Variants in MBNL2 observed in about 807,000 individuals in gnomAD.
MBNL2 encodes muscleblind-like protein 2.
Under a neutral mutation model 41.9 loss-of-function variants are expected in MBNL2, and 17 were observed. That is an observed-to-expected ratio of 0.41 (90% CI 0.28 to 0.61). The LOEUF (loss-of-function observed/expected upper bound fraction) is 0.61, where lower values mean the gene tolerates loss of function less well. MBNL2 is among the 20% of genes least tolerant of loss of function. MBNL2 has a pLI of 0.35. For synonymous variants in MBNL2, 195 were observed against 182.9 expected (o/e 1.07, Z -0.53); for missense variants, 336 against 505.6 (o/e 0.66, Z 3.22).
At chr13:97,174,075 A>C in the MBNL2 span, among the ~76,000 whole-genome samples, 1 of 152,246 alleles carries the variant, frequency 6.6e-6, no homozygotes, top group Non-Finnish European at 1.5e-5. Context: ...AAGCATCTGC[A>C]GTAAAGTAAA....
intron 2 of MBNL2, among the ~76,000 whole-genome samples, chr13:97,288,116 T>A (rs1215734503): frequency 1.3e-5 from 2 of 152,036 alleles, no homozygotes; most frequent in Non-Finnish European, 2.9e-5. Context: ...AGTAGGTGAG[T>A]CTTGTTCTTT....
chr13:97,217,040 CATA>C (rs200655379), upstream of MBNL2, among the ~76,000 whole-genome samples: 1,258 of 146,866 alleles, frequency 8.6e-3, 11 homozygotes, highest in East Asian at 0.021. Flanking sequence ...ATAATATACA[CATA>C]ATATGTAATA....
At chr13:97,368,858 T>C (rs1041506044) in intron 8 of MBNL2, among the ~76,000 whole-genome samples, 6 of 152,142 alleles carry the variant, frequency 3.9e-5, no homozygotes, top group African/African-American at 1.4e-4. Flanking sequence ...ACTTCTTTAA[T>C]TGCAAGCATA....
the MBNL2 span, among the ~76,000 whole-genome samples, chr13:97,179,157 A>C: frequency 6.2e-4 from 95 of 152,254 alleles, 1 homozygote; most frequent in African/African-American, 2.1e-3. Context: ...AACGTAATGC[A>C]CCACTTCTCT....
At chr13:97,277,855 C>T (rs919822379) in intron 2 of MBNL2, among the ~76,000 whole-genome samples, 1 of 152,076 alleles carries the variant, frequency 6.6e-6, no homozygotes. Context: ...TAAACTATAA[C>T]AGTACAAGCA....
the MBNL2 span, among the ~76,000 whole-genome samples, chr13:97,185,875 A>G: frequency 6.6e-6 from 1 of 152,224 alleles, no homozygotes; most frequent in Non-Finnish European, 1.5e-5. Flanking sequence ...TAGGCGCTCC[A>G]TAAAAATCAC....
At chr13:97,150,205 C>T in the MBNL2 span, among the ~76,000 whole-genome samples, 2 of 152,192 alleles carry the variant, frequency 1.3e-5, no homozygotes, top group African/African-American at 2.4e-5. Flanking sequence ...CATATGTTTA[C>T]GTTAAGTGAT....
chr13:97,312,673 C>T (rs773963643), intron 2 of MBNL2, among the ~76,000 whole-genome samples: 4 of 152,200 alleles, frequency 2.6e-5, no homozygotes, highest in Non-Finnish European at 5.9e-5. Flanking sequence ...AGTTAGAATT[C>T]TAAGTAGCCC....
chr13:97,338,978 A>G (rs1427900363), intron 3 of MBNL2, among the ~76,000 whole-genome samples: 1 of 152,160 alleles, frequency 6.6e-6, no homozygotes, highest in Admixed American at 6.5e-5. Context: ...ACAAAATAGC[A>G]AAGAATGTGC....
chr13:97,209,246 C>T, the MBNL2 span, among the ~76,000 whole-genome samples: 2 of 152,108 alleles, frequency 1.3e-5, no homozygotes, highest in African/African-American at 2.4e-5. Flanking sequence ...CAAAATTTGC[C>T]AGCTTGCCAA....
chr13:97,201,664 A>C, the MBNL2 span, among the ~76,000 whole-genome samples: 1 of 152,224 alleles, frequency 6.6e-6, no homozygotes, highest in Non-Finnish European at 1.5e-5. Flanking sequence ...TATAATCTTC[A>C]GAAGGTTCTA....
chr13:97,195,709 G>A, the MBNL2 span, among the ~76,000 whole-genome samples: 2 of 152,160 alleles, frequency 1.3e-5, no homozygotes, highest in Admixed American at 6.5e-5. Flanking sequence ...AATTAGATGT[G>A]ATAAGTGACT....
the MBNL2 span, among the ~76,000 whole-genome samples, chr13:97,175,285 C>A: frequency 6.6e-6 from 1 of 152,180 alleles, no homozygotes. Context: ...TCTTCCTACC[C>A]ACTCCTACTT....
At chr13:97,219,811 C>T (rs929841917), upstream of MBNL2, among the ~76,000 whole-genome samples, 1 of 152,254 alleles carries the variant, frequency 6.6e-6, no homozygotes, top group Non-Finnish European at 1.5e-5. Flanking sequence ...TTTTTAATTC[C>T]TGTTCTGACT....
At chr13:97,202,942 T>C in the MBNL2 span, among the ~76,000 whole-genome samples, 1 of 152,172 alleles carries the variant, frequency 6.6e-6, no homozygotes, top group Non-Finnish European at 1.5e-5. Context: ...GCGAAAGGAA[T>C]TGCTCAGTGT....
At chr13:97,384,167 C>G (rs921695909) in intron 8 of MBNL2, among the ~76,000 whole-genome samples, 4 of 152,080 alleles carry the variant, frequency 2.6e-5, no homozygotes, top group Admixed American at 6.5e-5. Flanking sequence ...TCCCAAAGTG[C>G]TGGGATTACA....
Position 97,268,226 on chromosome 13 carries a change from C to G in MBNL2, c.-604-7406C>G, listed in dbSNP as rs1329557407. The stretch of plus-strand genomic sequence containing the variant: ...TCTCATGTCTCAGCCTCCTGAATAG[C>G]TGGGATTACAGGCGTGCGCCACCAT... On this transcript the variant is annotated intron_variant, in intron 1 of 8. Coordinates refer to ENST00000679496, the MANE Select transcript of MBNL2 (RefSeq NM_001382683.1). This position sits in a 1 kb window ranked among gnomAD's most constrained non-coding sequence, Gnocchi z 4.6. 6.6e-6 allele frequency among the ~76,000 whole-genome samples: 1 copy of G among 152,214 alleles called. No individual in the cohort carries two copies. The highest frequency in any genetic ancestry group is 6.5e-5 in the Admixed American group (1 of 15,284).
chr13:97,303,101 C>T (rs1288502460), intron 2 of MBNL2, among the ~76,000 whole-genome samples: 1 of 152,138 alleles, frequency 6.6e-6, no homozygotes. Flanking sequence ...CAAGCTTCAA[C>T]CTTGGGCATG....
At chr13:97,152,444 C>T in the MBNL2 span, among the ~76,000 whole-genome samples, 1 of 151,994 alleles carries the variant, frequency 6.6e-6, no homozygotes, top group South Asian at 2.1e-4. Flanking sequence ...AAAAGTACGG[C>T]CAAGTGCGAA....
Sources: gnomAD v4.1 joint callset for allele counts (sites outside exome capture counted in the v4.1 genomes callset) on GRCh38, gnomAD v4.1.1 for gene constraint, Gnocchi (gnomAD v3.1) non-coding constraint, MANE v1.5 for transcripts, NCBI Gene and HGNC (gene_info 2026-07-23, HGNC 2026-07-21) for gene names.